The following TEKT3 variants were observed in gnomAD, a reference collection of about 807,000 sequenced individuals.
TEKT3 encodes the protein tektin-3.
TEKT3 carries 49 observed loss-of-function variants against 49.8 expected under a neutral mutation model. The ratio of observed to expected loss-of-function variants is 0.98; its 90% CI spans 0.78 to 1.25. The LOEUF (loss-of-function observed/expected upper bound fraction) is 1.25. TEKT3 is among the 50% of genes most tolerant of loss of function. TEKT3 has a pLI of 0.00. For missense variants in TEKT3, 595 were observed against 629.5 expected (o/e 0.95, Z 0.59); for synonymous variants, 225 against 237.2 (o/e 0.95, Z 0.47).
chr17:15,319,380 T>C (rs1258626621), intron 4 of TEKT3, among the ~76,000 whole-genome samples: 5 of 152,152 alleles, frequency 3.3e-5, no homozygotes, highest in Admixed American at 6.5e-5. Flanking sequence ...AATTATATTA[T>C]GGAACAAGTG....
intron 8 of TEKT3, among the ~76,000 whole-genome samples, chr17:15,306,452 C>T (rs1404936320): frequency 1.4e-5 from 2 of 146,820 alleles, no homozygotes; most frequent in African/African-American, 2.5e-5. Flanking sequence ...TTGACAGAAA[C>T]AAAAGTAGGT....
upstream of TEKT3, chr17:15,341,765 C>G (rs925094933): frequency 1.5e-4 from 23 of 152,302 alleles, no homozygotes; most frequent in African/African-American, 5.5e-4. Context: ...GCGGCGGTTA[C>G]TATGGACGCG....
At position 15,308,690 on chromosome 17, in the gene TEKT3, C is replaced by T. The variant is rs35855709; in HGVS notation, c.1230G>A (p.Glu410=). 1.2e-5 allele frequency: 20 copies of T among 1,612,324 alleles called. No homozygotes were observed. The highest frequency in any genetic ancestry group is 1.7e-5 in the Non-Finnish European group (20 of 1,179,292). Residue 410 remains glutamate (E), a synonymous_variant, in exon 8 of 9, where the codon GAG becomes GAA. Coordinates refer to ENST00000395930, the MANE Select transcript of TEKT3 (RefSeq NM_031898.3). The part of the protein sequence containing the change: ...LDERTRRPNI[E]LCRDMAQLRL... ...GTAGCTGAGCCATGTCTCGGCACAA[C>T]TCAATGTTCGGCCGTCTTGTGCGCT...
intron 3 of TEKT3, among the ~76,000 whole-genome samples, chr17:15,328,717 A>G (rs566636150): frequency 6.6e-6 from 1 of 152,320 alleles, no homozygotes; most frequent in East Asian, 1.9e-4. Context: ...TTGACATTAA[A>G]CAGTAGACCC....
At chr17:15,321,181 T>G (rs1193628349) in intron 4 of TEKT3, among the ~76,000 whole-genome samples, 2 of 151,964 alleles carry the variant, frequency 1.3e-5, no homozygotes, top group Non-Finnish European at 2.9e-5. Context: ...GGCTAATTTT[T>G]TGTATTTTTA....
chr17:15,331,777 C>CCAACA (rs1911764593), intron 2 of TEKT3, among the ~76,000 whole-genome samples, 163 bp from the exon 3 acceptor site: 1 of 151,892 alleles, frequency 6.6e-6, no homozygotes, highest in Admixed American at 6.5e-5. Context: ...ATAATATATT[C>CCAACA]CAACAAAGTT....
At chr17:15,325,802 A>G (rs1419822514) in intron 4 of TEKT3, among the ~76,000 whole-genome samples, 1 of 152,220 alleles carries the variant, frequency 6.6e-6, no homozygotes, top group African/African-American at 2.4e-5. Context: ...AGGAGAGATG[A>G]TGGTAAATTC....
At chr17:15,340,379 C>CAAAAAAAA (rs11351552) in intron 1 of TEKT3, 1 of 129,412 alleles carries the variant, frequency 7.7e-6, no homozygotes, top group African/African-American at 2.9e-5. Flanking sequence ...ACTAAAAATA[C>CAAAAAAAA]AAAAAAAAAA....
chr17:15,307,282 A>C (rs546319258), intron 8 of TEKT3, among the ~76,000 whole-genome samples: 28 of 152,342 alleles, frequency 1.8e-4, no homozygotes, highest in Admixed American at 3.9e-4. Context: ...GCATTACACA[A>C]CGTAAAACAC....
At chr17:15,314,371 A>C (rs1910910861) in intron 5 of TEKT3, 141 bp from the exon 6 acceptor site, 7 of 1,149,494 alleles carry the variant, frequency 6.1e-6, no homozygotes, top group African/African-American at 1.5e-5. Context: ...TCAATTTCTC[A>C]GTCAAAACGA....
intron 2 of TEKT3, among the ~76,000 whole-genome samples, chr17:15,333,463 C>T (rs1188774759): frequency 6.6e-6 from 1 of 152,152 alleles, no homozygotes; most frequent in Admixed American, 6.5e-5. Context: ...TTCCTTCCTA[C>T]GGCCCCCAAA....
chr17:15,313,970 T>C, intron 6 of TEKT3, 117 bp downstream of exon 6: 2 of 1,446,796 alleles, frequency 1.4e-6, no homozygotes, highest in Non-Finnish European at 1.9e-6. Flanking sequence ...CTGGGTGTGT[T>C]TCTCACCTTC....
chr17:15,342,231 G>A (rs1567588140), upstream of TEKT3, among the ~76,000 whole-genome samples: 1 of 152,056 alleles, frequency 6.6e-6, no homozygotes, highest in Non-Finnish European at 1.5e-5. Context: ...CTGTAAGAGG[G>A]GTTTATATTG....
rs1286424165 is a variant in TEKT3, at chr17:15,304,634, T to C, written c.1257-482A>G. On this transcript the variant is annotated intron_variant, in intron 8 of 8. Coordinates refer to ENST00000395930, the MANE Select transcript of TEKT3 (RefSeq NM_031898.3). This position sits in a 1 kb window ranked among gnomAD's most constrained non-coding sequence, Gnocchi z 4.7. ...AAATTCAGCGCTTCAGTGGCCATAA[T>C]AAGAAACTGGGTCCCATTTCCTGGC... Among the ~76,000 whole-genome samples, 1 of 152,104 alleles carries C rather than the reference T, an allele frequency of 6.6e-6. No individual in the cohort carries two copies. Among genetic ancestry groups the C allele is most frequent in the Non-Finnish European group, 1.5e-5 (1 of 68,028 alleles).
At chr17:15,333,072 G>T (rs79119761) in intron 2 of TEKT3, among the ~76,000 whole-genome samples, 1 of 149,100 alleles carries the variant, frequency 6.7e-6, no homozygotes. Context: ...CCCCCTGTTA[G>T]AACATACAGA....
intron 2 of TEKT3, among the ~76,000 whole-genome samples, chr17:15,337,610 G>A (rs1912038017): frequency 6.6e-6 from 1 of 152,198 alleles, no homozygotes; most frequent in Non-Finnish European, 1.5e-5. Context: ...TTGGGAGGCT[G>A]AGGCTGGTGG....
upstream of TEKT3, among the ~76,000 whole-genome samples, chr17:15,342,255 A>G (rs1352637000): frequency 6.6e-6 from 1 of 152,184 alleles, no homozygotes; most frequent in African/African-American, 2.4e-5. Context: ...AGATGAAGAA[A>G]CTGAAGTTCG....
At chr17:15,319,358 G>A (rs1305573834) in intron 4 of TEKT3, among the ~76,000 whole-genome samples, 4 of 151,994 alleles carry the variant, frequency 2.6e-5, no homozygotes, top group Admixed American at 6.6e-5. Context: ...TTCATAGGTC[G>A]GTCCATGGGG....
Position 15,314,092 on chromosome 17 carries a change from A to T in TEKT3, c.873T>A (p.Asp291Glu). Residue 291 changes from aspartate (D) to glutamate (E), a missense_variant, in exon 6 of 9, where the codon GAT becomes GAA. Physicochemically the swap from Asp to Glu is conservative, Grantham distance 45. Transcript: ENST00000395930. ...GTGGCGTGTGCCTGACTTACGTTGCATCGACCCTCTCCACTCCGCGGAAGT... is the reference window on the plus strand; with the variant it reads ...GTGGCGTGTGCCTGACTTACGTTGCTTCGACCCTCTCCACTCCGCGGAAGT... ...VGYFRGVERVDATVSVPESWA... is the reference protein window; with the variant it reads ...VGYFRGVERVEATVSVPESWA... 6.2e-7 allele frequency: 1 copy of T among 1,614,180 alleles called. No homozygotes were observed. The highest frequency in any genetic ancestry group is 2.2e-5 in the East Asian group (1 of 44,864).
Sources: gnomAD v4.1 joint callset for allele counts (sites outside exome capture counted in the v4.1 genomes callset) on GRCh38, gnomAD v4.1.1 for gene constraint, Gnocchi (gnomAD v3.1) non-coding constraint, MANE v1.5 for transcripts, NCBI Gene and HGNC (gene_info 2026-07-23, HGNC 2026-07-21) for gene names.